CTH: variants seen among roughly 807,000 people sequenced by gnomAD.
CTH encodes the protein cystathionine gamma-lyase, also known as cystathionase (cystathionine gamma-lyase).
In CTH, 41 loss-of-function variants were observed where a neutral mutation model predicts 50.6. That is an observed-to-expected ratio of 0.81 (90% CI 0.63 to 1.05). The LOEUF (loss-of-function observed/expected upper bound fraction) is 1.05. Ranked by LOEUF, CTH falls within the 50% of genes least tolerant of loss-of-function variation. The pLI, the probability that CTH is intolerant of heterozygous loss-of-function variation, is 0.00. For synonymous variants in CTH, 156 were observed against 168.9 expected, an observed-to-expected ratio of 0.92 and a Z score of 0.59; for missense variants, 470 against 492.6, an observed-to-expected ratio of 0.95 and a Z score of 0.43.
intron 4 of CTH, among the ~76,000 whole-genome samples, chr1:70,424,068 G>T (rs947431237): frequency 6.6e-6 from 1 of 152,060 alleles, no homozygotes; most frequent in Non-Finnish European, 1.5e-5. Context: ...TGTAAGATAG[G>T]TATTACCAAC....
intron 5 of CTH, among the ~76,000 whole-genome samples, chr1:70,429,118 A>C (rs1053314281): frequency 1.3e-5 from 2 of 152,206 alleles, no homozygotes. Flanking sequence ...TACCTAATAC[A>C]ATGTACATGC....
At chr1:70,431,561 C>T (rs1281626583) in intron 7 of CTH, among the ~76,000 whole-genome samples, 4 of 152,084 alleles carry the variant, frequency 2.6e-5, no homozygotes, top group Non-Finnish European at 2.9e-5. Context: ...AAATGTCCTC[C>T]ACAAGGGAAA....
chr1:70,420,429 G>T (rs1684189930), intron 3 of CTH, among the ~76,000 whole-genome samples: 1 of 152,138 alleles, frequency 6.6e-6, no homozygotes, highest in South Asian at 2.1e-4. Context: ...TCGAAAGTTA[G>T]ATTCTCATAA....
At chr1:70,414,899 A>T (rs1684056677) in intron 1 of CTH, among the ~76,000 whole-genome samples, 1 of 152,014 alleles carries the variant, frequency 6.6e-6, no homozygotes. Context: ...GGCTCACTGC[A>T]ACCTCCGCAT....
At chr1:70,421,511 G>A (rs1684221263) in intron 3 of CTH, 55 bp from the exon 4 acceptor site, 14 of 1,558,524 alleles carry the variant, frequency 9.0e-6, no homozygotes, top group Admixed American at 1.7e-5. Flanking sequence ...TAGAAGGAAT[G>A]AATGTTTCTT....
chr1:70,416,960 T>A (rs1038608582), intron 2 of CTH, among the ~76,000 whole-genome samples: 9 of 152,044 alleles, frequency 5.9e-5, no homozygotes, highest in African/African-American at 1.9e-4. Context: ...CCCAAAGTGC[T>A]GGGATTATAG....
chr1:70,411,623 TA>T, intron 1 of CTH, 40 bp downstream of exon 1: 1 of 1,595,780 alleles, frequency 6.3e-7, no homozygotes. Context: ...AGTTGGGCGG[TA>T]AAAGAGATAC....
chr1:70,438,084 G>T (rs569582088), intron 10 of CTH, among the ~76,000 whole-genome samples: 11 of 152,088 alleles, frequency 7.2e-5, no homozygotes, highest in Non-Finnish European at 1.6e-4. Context: ...ATTATGGGTG[G>T]TTTTCCTTTA....
chr1:70,426,656 T>C (rs1684352572), intron 5 of CTH, among the ~76,000 whole-genome samples: 1 of 152,246 alleles, frequency 6.6e-6, no homozygotes, highest in African/African-American at 2.4e-5. Context: ...TGGCTCATAA[T>C]GTATCTTTGA....
Position 70,417,983 on chromosome 1 carries a change from T to C in CTH, c.297T>C (p.His99=), listed in dbSNP as rs776778998. The stretch of plus-strand genomic sequence containing the variant: ...TAGCAGCCACTGTAACTATTACCCA[T>C]CTTTTAAAAGCAGGAGACCAAATTA... The part of the protein sequence containing the change: ...SGLAATVTIT[H]LLKAGDQIIC... Residue 99 remains histidine, a synonymous_variant, in exon 3 of 12, where the codon CAT becomes CAC. Transcript: ENST00000370938. The C allele has an allele frequency of 1.1e-5, 18 of 1,614,162 alleles. No individual in the cohort carries two copies. Among genetic ancestry groups the C allele is most frequent in the Non-Finnish European group, 1.4e-5 (17 of 1,180,006 alleles).
At chr1:70,420,521 A>T (rs1251836588) in intron 3 of CTH, among the ~76,000 whole-genome samples, 2 of 152,000 alleles carry the variant, frequency 1.3e-5, no homozygotes, top group Non-Finnish European at 2.9e-5. Context: ...CGCTGATTTG[A>T]CAGGAGACTG....
At chr1:70,436,411 T>C (rs1468533566) in intron 10 of CTH, among the ~76,000 whole-genome samples, 1 of 152,160 alleles carries the variant, frequency 6.6e-6, no homozygotes, top group East Asian at 1.9e-4. Flanking sequence ...GATATATATA[T>C]TACCTTTATT....
Position 70,411,381 on chromosome 1 carries a change from T to G in CTH, c.-35T>G, listed in dbSNP as rs991965559. On this transcript the variant is annotated 5_prime_UTR_variant, in exon 1 of 12. Coordinates refer to ENST00000370938, the MANE Select transcript of CTH (RefSeq NM_001902.6). ...CGGCTTCGACTGGTTATATCTTCGGTGTTCTTTTCCTCTCTTCTTCTTTCG... is the reference window on the plus strand; with the variant it reads ...CGGCTTCGACTGGTTATATCTTCGGGGTTCTTTTCCTCTCTTCTTCTTTCG... 1.1e-5 allele frequency: 17 copies of G among 1,612,192 alleles called. No individual in the cohort carries two copies. Among genetic ancestry groups the G allele is most frequent in the Non-Finnish European group, 1.3e-5 (15 of 1,178,324 alleles).
At chr1:70,411,712 A>G in intron 1 of CTH, 129 bp downstream of exon 1, 1 of 1,447,482 alleles carries the variant, frequency 6.9e-7, no homozygotes, top group Non-Finnish European at 9.1e-7. Context: ...AGATGTTTCT[A>G]CACTGTAATT....
chr1:70,434,697 G>GGC (rs1684555503), intron 9 of CTH, among the ~76,000 whole-genome samples: 1 of 148,632 alleles, frequency 6.7e-6, no homozygotes. Flanking sequence ...AGCATTTAGA[G>GGC]ATTTTTTTAT....
chr1:70,421,952 C>A (rs540073341), intron 4 of CTH, among the ~76,000 whole-genome samples: 57 of 152,100 alleles, frequency 3.7e-4, no homozygotes, highest in Middle Eastern at 3.4e-3. Context: ...TCTTCATTTG[C>A]AAAATGGAGA....
intron 5 of CTH, among the ~76,000 whole-genome samples, chr1:70,429,236 T>G (rs1684412740): frequency 1.3e-5 from 2 of 152,358 alleles, no homozygotes; most frequent in South Asian, 4.1e-4. Flanking sequence ...AAGTATTTTT[T>G]TACCCATGGT....
chr1:70,431,323 T>TC (rs1159247697), intron 7 of CTH: 10 of 150,900 alleles, frequency 6.6e-5, no homozygotes, highest in Non-Finnish European at 1.2e-4. Context: ...GACTTAATGG[T>TC]TTTTTTTTCT....
chr1:70,414,561 A>C (rs960327201), intron 1 of CTH, among the ~76,000 whole-genome samples: 1 of 152,118 alleles, frequency 6.6e-6, no homozygotes. Context: ...TTTAGAAGTT[A>C]TTGTTGTTAA....
Sources: allele counts gnomAD v4.1 joint callset (sites outside exome capture counted in the v4.1 genomes callset), GRCh38; gene constraint gnomAD v4.1.1; transcripts MANE v1.5; gene names NCBI Gene and HGNC (gene_info 2026-07-23, HGNC 2026-07-21).